The following SCAI variants were observed in gnomAD, a reference collection of about 807,000 sequenced individuals.
The protein encoded by SCAI is suppressor of cancer cell invasion.
In SCAI, 24 loss-of-function variants were observed where a neutral mutation model predicts 92.2. The observed-to-expected ratio is 0.26, with a 90% CI of 0.19 to 0.37. SCAI has a LOEUF of 0.37. SCAI is among the 10% of genes least tolerant of loss of function. SCAI has a pLI of 1.00. For synonymous variants in SCAI, 261 were observed against 258.6 expected (o/e 1.01, Z -0.09); for missense variants, 450 against 736.2 (o/e 0.61, Z 4.50).
chr9:125,048,662 A>G (rs1833495793), intron 3 of SCAI, among the ~76,000 whole-genome samples: 1 of 152,188 alleles, frequency 6.6e-6, no homozygotes, highest in African/African-American at 2.4e-5. Context: ...TCCTAAAAAC[A>G]GGCTTCTAAA....
intron 13 of SCAI, among the ~76,000 whole-genome samples, chr9:124,996,698 C>T (rs1832245925): frequency 1.3e-5 from 2 of 151,590 alleles, no homozygotes; most frequent in South Asian, 2.1e-4. Flanking sequence ...GGTATGATCT[C>T]GGCTCACTGC....
rs371090280 is a variant in SCAI, at chr9:125,018,949, C to A, written c.711G>T (p.Ala237=). 6 of 1,609,432 alleles carry A rather than the reference C, an allele frequency of 3.7e-6. No individual in the cohort carries two copies. The African/African-American group carries it at 6.7e-5, about 18-fold the overall frequency. Residue 237 remains alanine (A), a splice_region_variant and synonymous_variant, in exon 9 of 18, where the codon GCG becomes GCT. Coordinates refer to ENST00000336505, the MANE Select transcript of SCAI (RefSeq NM_001144877.3). ...VLQEVAAFIE[A]DPVMVLNDDN... ...CATCATTTAATACCATTACAGGATC[C>A]GCCTAAAGAAAAAAGCAATAAGAAC...
chr9:125,085,847 AATG>A (rs1834315756), intron 2 of SCAI, among the ~76,000 whole-genome samples: 1 of 152,178 alleles, frequency 6.6e-6, no homozygotes, highest in African/African-American at 2.4e-5. Context: ...CCATGATGAT[AATG>A]ATGATACCAT....
chr9:125,131,892 G>A (rs575954957), intron 2 of SCAI, among the ~76,000 whole-genome samples: 1 of 152,114 alleles, frequency 6.6e-6, no homozygotes, highest in African/African-American at 2.4e-5. Flanking sequence ...TCTCAGCAAA[G>A]AGTACAGAGA....
intron 2 of SCAI, among the ~76,000 whole-genome samples, chr9:125,125,852 T>C (rs937867819): frequency 7.2e-6 from 1 of 138,532 alleles, no homozygotes. Context: ...AAAAAAAAGA[T>C]AGCTGCTTCC....
chr9:124,972,270 T>C (rs1370080675), intron 15 of SCAI, among the ~76,000 whole-genome samples: 1 of 152,208 alleles, frequency 6.6e-6, no homozygotes, highest in East Asian at 1.9e-4. Context: ...TTTGGCCCCA[T>C]ACATTGCTGA....
At chr9:124,961,875 G>GT (rs1365986315) in intron 17 of SCAI, among the ~76,000 whole-genome samples, 3,000 of 132,446 alleles carry the variant, frequency 0.023, 41 homozygotes, top group Non-Finnish European at 0.031. Context: ...CTTTGTGGCA[G>GT]TTTTTTTTTT....
At chr9:125,117,037 C>G (rs1252422409) in intron 2 of SCAI, among the ~76,000 whole-genome samples, 2 of 152,104 alleles carry the variant, frequency 1.3e-5, no homozygotes, top group Non-Finnish European at 2.9e-5. Context: ...TGCAGGAATT[C>G]TATGCTGACT....
rs551129682 is a variant in SCAI, at chr9:125,053,289, G to A, written c.230+2587C>T. 3.3e-5 allele frequency among the ~76,000 whole-genome samples: 5 copies of A among 152,142 alleles called. No individual in the cohort carries two copies. In the South Asian group the frequency reaches 6.2e-4, roughly 19 times the overall value. The stretch of plus-strand genomic sequence containing the variant: ...GCGGAGGTTGCAGTAAGCCAAAATC[G>A]TGTCATTGCACTCCAGCCCGGACGA... On this transcript the variant is annotated intron_variant, in intron 3 of 17. Transcript: ENST00000336505.
chr9:125,106,722 CT>C (rs34740170), intron 2 of SCAI, among the ~76,000 whole-genome samples: 4,068 of 113,240 alleles, frequency 0.036, 74 homozygotes, highest in East Asian at 0.14. Flanking sequence ...TTTTCTTTTC[CT>C]TTTTTTTTTT....
At chr9:125,006,500 TCA>T (rs1832510644) in intron 9 of SCAI, among the ~76,000 whole-genome samples, 1 of 151,852 alleles carries the variant, frequency 6.6e-6, no homozygotes, top group African/African-American at 2.4e-5. Flanking sequence ...ATTCATTCAT[TCA>T]TTCATTTGAG....
rs201738897 is a variant in SCAI at position 125,130,518 on chromosome 9, CT to C, written c.98+12114del. On this transcript the variant is annotated intron_variant, in intron 2 of 17. Coordinates refer to ENST00000336505, the MANE Select transcript of SCAI (RefSeq NM_001144877.3). Reference sequence around the variant, plus strand: ...AATTAAAAATTCAGACTGAAAACCTCTTTTTTTTTTCTTTGAGATGGAGTCT... The same window carrying C: ...AATTAAAAATTCAGACTGAAAACCTCTTTTTTTTTCTTTGAGATGGAGTCT... Among the ~76,000 whole-genome samples, 9 of 148,898 alleles carry C rather than the reference CT, an allele frequency of 6.0e-5. No individual in the cohort carries two copies. The South Asian group carries it at 6.4e-4, about 11-fold the overall frequency.
chr9:125,093,216 C>A (rs1260041217), intron 2 of SCAI, among the ~76,000 whole-genome samples: 2 of 152,052 alleles, frequency 1.3e-5, no homozygotes, highest in African/African-American at 2.4e-5. Flanking sequence ...CAAAAATTAG[C>A]TGGGCATGGT....
At chr9:125,066,527 C>A (rs550045905) in intron 2 of SCAI, among the ~76,000 whole-genome samples, 1 of 151,640 alleles carries the variant, frequency 6.6e-6, no homozygotes, top group Admixed American at 6.6e-5. Flanking sequence ...ATGATCTCAG[C>A]TCACTGCAAA....
chr9:125,046,540 T>C (rs1368942811), intron 3 of SCAI, among the ~76,000 whole-genome samples: 5 of 150,238 alleles, frequency 3.3e-5, no homozygotes, highest in African/African-American at 7.3e-5. Flanking sequence ...ACATGGACTT[T>C]TGGGACTCTC....
chr9:124,954,278 C>T (rs1179977099), intron 17 of SCAI, among the ~76,000 whole-genome samples: 4 of 152,128 alleles, frequency 2.6e-5, no homozygotes, highest in Admixed American at 6.5e-5. Flanking sequence ...TTATATCATT[C>T]CATCTAGTAA....
intron 14 of SCAI, among the ~76,000 whole-genome samples, chr9:124,978,012 G>A (rs984564717): frequency 6.6e-6 from 1 of 152,072 alleles, no homozygotes; most frequent in African/African-American, 2.4e-5. Flanking sequence ...GATTAACTAT[G>A]ATTGATAAAC....
chr9:124,943,965 T>A lies in SCAI; in HGVS notation c.*8842A>T, dbSNP rs1831100287. 1 of 152,356 alleles carries A rather than the reference T, an allele frequency of 6.6e-6. No homozygotes were observed. Among genetic ancestry groups the A allele is most frequent in the African/African-American group, 2.4e-5 (1 of 41,590 alleles). The allele number at this position is 152,356 out of a possible 1,614,324, so 9.4% of individuals were successfully genotyped here. On this transcript the variant is annotated 3_prime_UTR_variant, in exon 18 of 18. Transcript: ENST00000336505. ...TGCTACACAACGAAGATAACCTATA[T>A]GGATAAGTTATTTTACTTGTAAACT...
intron 3 of SCAI, among the ~76,000 whole-genome samples, chr9:125,051,844 G>A (rs1366001768): frequency 8.5e-5 from 13 of 152,244 alleles, no homozygotes; most frequent in Admixed American, 2.6e-4. Flanking sequence ...CAAGGCAGGC[G>A]GATCACTTGA....
Sources: allele counts gnomAD v4.1 joint callset (sites outside exome capture counted in the v4.1 genomes callset), GRCh38; gene constraint gnomAD v4.1.1; transcripts MANE v1.5; gene names NCBI Gene and HGNC (gene_info 2026-07-23, HGNC 2026-07-21).